CEP128: variants seen among roughly 807,000 people sequenced by gnomAD.
CEP128 encodes centrosomal protein 128kDa.
In CEP128, 132 loss-of-function variants were observed where a neutral mutation model predicts 156.7. That is an observed-to-expected ratio of 0.84 (90% CI 0.73 to 0.97). CEP128 has a LOEUF of 0.97. CEP128 is among the 50% of genes least tolerant of loss of function. The pLI is 0.00. For synonymous variants in CEP128, 469 were observed against 448.9 expected (o/e 1.04, Z -0.57); for missense variants, 1,252 against 1,281.9 (o/e 0.98, Z 0.36).
At position 80,571,672 on chromosome 14, in the gene CEP128, C is replaced by T. The variant is rs114806305; in HGVS notation, c.2856+8702G>A. 3.7e-3 allele frequency among the ~76,000 whole-genome samples: 555 copies of T among 151,976 alleles called. 5 individuals carry two copies. The highest frequency in any genetic ancestry group is 0.013 in the African/African-American group (534 of 41,410). On this transcript the variant is annotated intron_variant, in intron 20 of 24. Transcript: ENST00000555265. ...TTGCACAATTTAAAATTTATGGAAA[C>T]GTTCTAATGTTGCCTTTAATTTTTT...
chr14:80,884,293 C>T (rs1237600480), intron 8 of CEP128, among the ~76,000 whole-genome samples: 1 of 152,144 alleles, frequency 6.6e-6, no homozygotes, highest in Admixed American at 6.5e-5. Context: ...GAAGAGACGA[C>T]CCAGAAAATG....
intron 19 of CEP128, among the ~76,000 whole-genome samples, chr14:80,584,603 A>G (rs1160984161): frequency 1.3e-5 from 2 of 152,216 alleles, no homozygotes; most frequent in Non-Finnish European, 2.9e-5. Flanking sequence ...TGGAATGATG[A>G]ACACGGTTAT....
intron 2 of CEP128, among the ~76,000 whole-genome samples, chr14:80,923,300 C>T (rs1053101485): frequency 1.3e-5 from 2 of 152,214 alleles, no homozygotes; most frequent in Admixed American, 6.5e-5. Flanking sequence ...AACTTGAATA[C>T]TCCAACTAGA....
At chr14:80,768,300 T>C (rs902403567) in intron 16 of CEP128, among the ~76,000 whole-genome samples, 1 of 152,178 alleles carries the variant, frequency 6.6e-6, no homozygotes, top group South Asian at 2.1e-4. Context: ...GTGAGAGCCC[T>C]GGAAGTGGTA....
rs527315419 is a variant in CEP128, at chr14:80,517,419, TATTA to T, written c.3072+9446_3072+9449del. Among the ~76,000 whole-genome samples, 49 of 152,296 alleles carry T rather than the reference TATTA, an allele frequency of 3.2e-4. No individual in the cohort carries two copies. The South Asian group carries it at 7.0e-3, about 22-fold the overall frequency. The stretch of plus-strand genomic sequence containing the variant: ...ATCTCACAAATTTGCATAAATTCTG[TATTA>T]ATTTTTATATAGGTAACATATTTTC... On this transcript the variant is annotated intron_variant, in intron 23 of 24. Transcript: ENST00000555265.
chr14:80,601,275 T>C (rs558318928), intron 19 of CEP128, among the ~76,000 whole-genome samples: 1 of 152,156 alleles, frequency 6.6e-6, no homozygotes, highest in Non-Finnish European at 1.5e-5. Context: ...GATAGGGATG[T>C]GTTCTGAGAA....
chr14:80,734,586 A>T (rs1022147522), intron 19 of CEP128, among the ~76,000 whole-genome samples: 6 of 152,138 alleles, frequency 3.9e-5, no homozygotes, highest in Admixed American at 3.3e-4. Context: ...ACGGTGGCTC[A>T]CACCTGTAAT....
At chr14:80,769,415 C>T (rs1051705102) in intron 16 of CEP128, among the ~76,000 whole-genome samples, 10 of 152,044 alleles carry the variant, frequency 6.6e-5, no homozygotes, top group African/African-American at 2.2e-4. Context: ...TCTCCTAATG[C>T]TATCCCTCCC....
Position 80,926,599 on chromosome 14 carries a change from T to G in CEP128, c.-15-10037A>C, listed in dbSNP as rs562963811. Among the ~76,000 whole-genome samples, 8 of 152,286 alleles carry G rather than the reference T, an allele frequency of 5.3e-5. No homozygotes were observed. The South Asian group carries it at 1.7e-3, about 32-fold the overall frequency. On this transcript the variant is annotated intron_variant, in intron 2 of 24. Coordinates refer to ENST00000555265, the MANE Select transcript of CEP128 (RefSeq NM_152446.5). ...GTAGCCTAACACAACAGACAGAGAC[T>G]TTTGCATGCTCCATGGCCCCACCCA...
At chr14:80,616,257 T>A (rs145403474) in intron 19 of CEP128, among the ~76,000 whole-genome samples, 157 of 152,350 alleles carry the variant, frequency 1.0e-3, no homozygotes, top group African/African-American at 3.5e-3. Context: ...TTAAGAGGAA[T>A]CATCATAGTG....
intron 13 of CEP128, among the ~76,000 whole-genome samples, chr14:80,825,628 T>G (rs1885431617): frequency 6.6e-6 from 1 of 152,268 alleles, no homozygotes; most frequent in African/African-American, 2.4e-5. Context: ...TAGTAATACA[T>G]TCAAGAAAAA....
chr14:80,907,790 G>A (rs1367793083), intron 4 of CEP128, among the ~76,000 whole-genome samples: 2 of 151,734 alleles, frequency 1.3e-5, no homozygotes, highest in African/African-American at 2.4e-5. Flanking sequence ...GAGGTCTTAT[G>A]TAGTGATCAC....
At chr14:80,870,866 A>C (rs1222557367) in intron 8 of CEP128, among the ~76,000 whole-genome samples, 3 of 151,998 alleles carry the variant, frequency 2.0e-5, no homozygotes, top group African/African-American at 7.2e-5. Context: ...CCCCTAAAAA[A>C]AACTGTTAGA....
rs569336426 is a variant in CEP128, at chr14:80,593,473, G to A, written c.2807-13050C>T. The stretch of plus-strand genomic sequence containing the variant: ...GGAGAATGGTGTGAACCCAGGAGGC[G>A]GAGCTTGCAGTGAGCCCAGATCATG... On this transcript the variant is annotated intron_variant, in intron 19 of 24. Coordinates refer to ENST00000555265, the MANE Select transcript of CEP128 (RefSeq NM_152446.5). Among the ~76,000 whole-genome samples the A allele has an allele frequency of 3.3e-5, 5 of 150,774 alleles. No individual in the cohort carries two copies. In the East Asian group the frequency reaches 5.9e-4, roughly 18 times the overall value.
intron 9 of CEP128, among the ~76,000 whole-genome samples, chr14:80,852,775 C>A (rs754172746): frequency 1.3e-5 from 2 of 151,604 alleles, no homozygotes; most frequent in African/African-American, 4.8e-5. Flanking sequence ...AACTAAACCA[C>A]GAAATAGGAA....
chr14:80,502,963 TAAG>T (rs1429956572), intron 24 of CEP128, among the ~76,000 whole-genome samples: 3 of 152,148 alleles, frequency 2.0e-5, no homozygotes, highest in Admixed American at 2.0e-4. Context: ...GAAAAGCAAA[TAAG>T]AATGTTTTCT....
intron 8 of CEP128, among the ~76,000 whole-genome samples, chr14:80,873,579 ACAG>A (rs1359167131): frequency 5.3e-5 from 8 of 152,228 alleles, no homozygotes; most frequent in African/African-American, 1.7e-4. Flanking sequence ...GCATGACAGT[ACAG>A]CTGGATATGA....
At chr14:80,813,981 T>A (rs1243805376) in intron 13 of CEP128, among the ~76,000 whole-genome samples, 1 of 152,210 alleles carries the variant, frequency 6.6e-6, no homozygotes, top group African/African-American at 2.4e-5. Context: ...TCACTGGATA[T>A]GAACCTAGGT....
chr14:80,765,342 G>A (rs1900187609), intron 16 of CEP128, among the ~76,000 whole-genome samples: 2 of 152,168 alleles, frequency 1.3e-5, no homozygotes, highest in Admixed American at 1.3e-4. Context: ...GGAGGGTTGG[G>A]GCTGGAAATT....
Sources: gnomAD v4.1 joint callset for allele counts (sites outside exome capture counted in the v4.1 genomes callset) on GRCh38, gnomAD v4.1.1 for gene constraint, MANE v1.5 for transcripts, NCBI Gene and HGNC (gene_info 2026-07-23, HGNC 2026-07-21) for gene names.